The following IL1RAPL2 variants were observed in gnomAD, a reference collection of about 807,000 sequenced individuals.
IL1RAPL2 encodes X-linked interleukin-1 receptor accessory protein-like 2.
Under a neutral mutation model 44.1 loss-of-function variants are expected in IL1RAPL2, and 3 were observed. That is an observed-to-expected ratio of 0.07 (90% CI 0.03 to 0.18). The LOEUF (loss-of-function observed/expected upper bound fraction) is 0.18, where lower values mean the gene tolerates loss of function less well. Among genes scored for constraint, IL1RAPL2 ranks in the 10% least tolerant of loss-of-function variants. IL1RAPL2 has a pLI of 1.00. For missense variants in IL1RAPL2, 391 were observed against 496.4 expected (o/e 0.79, Z 2.02); for synonymous variants, 181 against 178.8 (o/e 1.01, Z -0.10).
chrX:104,737,822 G>A (rs1340037702), intron 2 of IL1RAPL2, among the ~76,000 whole-genome samples: 1 of 111,533 alleles, frequency 9.0e-6, no homozygotes, highest in African/African-American at 3.3e-5. Context: ...CCTCATTTTT[G>A]CTCTTCTACA....
rs186442414 is a variant in IL1RAPL2 at position 105,343,465 on chromosome X, T to C, written c.697+75924T>C. Among the ~76,000 whole-genome samples the C allele has an allele frequency of 1.9e-3, 209 of 112,144 alleles. 1 individual carries two copies. The highest frequency in any genetic ancestry group is 3.3e-3 in the Non-Finnish European group (178 of 53,206). On this transcript the variant is annotated intron_variant, in intron 5 of 10. Coordinates refer to ENST00000372582, the MANE Select transcript of IL1RAPL2 (RefSeq NM_017416.2). ...AATTTTGTATGGTGCTTTTTAAAACTTAATATTATATCATAAGCTTTTCCA... is the reference window on the plus strand; with the variant it reads ...AATTTTGTATGGTGCTTTTTAAAACCTAATATTATATCATAAGCTTTTCCA...
intron 2 of IL1RAPL2, among the ~76,000 whole-genome samples, chrX:105,176,788 C>T (rs2033478175): frequency 9.0e-6 from 1 of 110,678 alleles, no homozygotes; most frequent in Non-Finnish European, 1.9e-5. Flanking sequence ...GGCCATAGTT[C>T]ACCAGGTGGA....
chrX:104,763,843 C>A (rs769274320), intron 2 of IL1RAPL2, among the ~76,000 whole-genome samples: 2 of 111,347 alleles, frequency 1.8e-5, no homozygotes, highest in Non-Finnish European at 3.8e-5. Flanking sequence ...ATGAGAACTA[C>A]AATTCAAGAT....
chrX:105,551,229 C>T (rs1199984240), intron 6 of IL1RAPL2, among the ~76,000 whole-genome samples: 1 of 107,194 alleles, frequency 9.3e-6, no homozygotes, highest in Admixed American at 1.0e-4. Flanking sequence ...CTTGAACATA[C>T]TTACCATTAA....
chrX:105,078,441 C>T (rs1324688759), intron 2 of IL1RAPL2, among the ~76,000 whole-genome samples: 1 of 111,698 alleles, frequency 9.0e-6, no homozygotes. Flanking sequence ...CAGTCCGCCC[C>T]TACTTGGGGG....
chrX:105,087,751 TC>T (rs1658919550), intron 2 of IL1RAPL2, among the ~76,000 whole-genome samples: 1 of 112,256 alleles, frequency 8.9e-6, no homozygotes, highest in Non-Finnish European at 1.9e-5. Flanking sequence ...CCAGAGACTT[TC>T]TTGCCTTTCA....
At chrX:105,618,642 T>A (rs748426769) in intron 6 of IL1RAPL2, among the ~76,000 whole-genome samples, 4 of 111,628 alleles carry the variant, frequency 3.6e-5, no homozygotes, top group Admixed American at 9.5e-5. Context: ...AATTTCCTCA[T>A]GTGAAAAATC....
At chrX:104,917,293 A>T (rs72616881) in intron 2 of IL1RAPL2, among the ~76,000 whole-genome samples, 2 of 111,556 alleles carry the variant, frequency 1.8e-5, no homozygotes, top group Admixed American at 1.9e-4. Context: ...AAAGAAAAGA[A>T]TCTGAAAGGC....
At chrX:104,976,718 G>A (rs1159352044) in intron 2 of IL1RAPL2, among the ~76,000 whole-genome samples, 2 of 110,431 alleles carry the variant, frequency 1.8e-5, no homozygotes, top group Non-Finnish European at 3.8e-5. Context: ...CGAAACCTCA[G>A]AGTTTCCAGG....
At chrX:104,933,957 C>CT (rs1924967920) in intron 2 of IL1RAPL2, among the ~76,000 whole-genome samples, 1 of 111,252 alleles carries the variant, frequency 9.0e-6, no homozygotes, top group Non-Finnish European at 1.9e-5. Flanking sequence ...GGAAAATTTG[C>CT]AAATGGGCTA....
At chrX:105,228,699 A>G (rs1483601573) in intron 3 of IL1RAPL2, among the ~76,000 whole-genome samples, 2 of 112,351 alleles carry the variant, frequency 1.8e-5, no homozygotes, top group Admixed American at 1.9e-4. Flanking sequence ...TCTTCTTTCT[A>G]TCAGCTTCCT....
At chrX:104,911,480 G>A (rs7049460) in intron 2 of IL1RAPL2, among the ~76,000 whole-genome samples, 47,264 of 109,742 alleles carry the variant, frequency 0.43, 7,420 homozygotes, top group East Asian at 0.46. Context: ...TCTAGTGAGT[G>A]AGGTCCTGTT....
At position 105,363,306 on chromosome X, in the gene IL1RAPL2, ATAAT is replaced by A. The variant is rs1244337619; in HGVS notation, c.697+95766_697+95769del. 8.8e-3 allele frequency among the ~76,000 whole-genome samples: 663 copies of A among 75,504 alleles called. 11 individuals carry two copies. Among genetic ancestry groups the A allele is most frequent in the African/African-American group, 0.07 (614 of 8,804 alleles). 65.6% of individuals were successfully genotyped at this position (75,504 alleles called of 115,157 possible). A position where few individuals can be genotyped will look rare whatever the true frequency, so the allele number is the denominator to read the frequency against. On this transcript the variant is annotated intron_variant, in intron 5 of 10. Coordinates refer to ENST00000372582, the MANE Select transcript of IL1RAPL2 (RefSeq NM_017416.2). ...ATATATATAATATATATATATATAT[ATAAT>A]ATATATATATATATATATATTCTTC...
chrX:104,847,184 G>A (rs1407643121), intron 2 of IL1RAPL2, among the ~76,000 whole-genome samples: 1 of 111,854 alleles, frequency 8.9e-6, no homozygotes, highest in Non-Finnish European at 1.9e-5. Context: ...CTTTGCAGAA[G>A]CTCTTTAGTT....
At chrX:105,282,050 A>T (rs1354033395) in intron 5 of IL1RAPL2, among the ~76,000 whole-genome samples, 1 of 112,051 alleles carries the variant, frequency 8.9e-6, no homozygotes, top group Admixed American at 9.5e-5. Context: ...ATAGGTATTA[A>T]TATTTCAGGC....
chrX:104,960,728 G>A (rs1249931417), intron 2 of IL1RAPL2, among the ~76,000 whole-genome samples: 1 of 109,067 alleles, frequency 9.2e-6, no homozygotes, highest in East Asian at 2.9e-4. Flanking sequence ...CTCCCTCCAA[G>A]TATCTAATTA....
chrX:105,394,989 T>A (rs370124337), intron 5 of IL1RAPL2, among the ~76,000 whole-genome samples: 4 of 111,703 alleles, frequency 3.6e-5, no homozygotes, highest in South Asian at 7.4e-4. Flanking sequence ...GTGGCATATA[T>A]TTTAGTAACT....
chrX:105,385,034 G>A (rs1300350384), intron 5 of IL1RAPL2, among the ~76,000 whole-genome samples: 2 of 110,403 alleles, frequency 1.8e-5, no homozygotes, highest in African/African-American at 6.6e-5. Context: ...TTTAATATAA[G>A]GTCATATAAT....
At chrX:104,723,529 G>C (rs1049210368) in intron 2 of IL1RAPL2, among the ~76,000 whole-genome samples, 4 of 110,114 alleles carry the variant, frequency 3.6e-5, no homozygotes, top group Non-Finnish European at 3.8e-5. Flanking sequence ...AGGAGGTGAG[G>C]TCTCAGGTGT....
Sources: allele counts gnomAD v4.1 joint callset (sites outside exome capture counted in the v4.1 genomes callset), GRCh38; gene constraint gnomAD v4.1.1; transcripts MANE v1.5; gene names NCBI Gene and HGNC (gene_info 2026-07-23, HGNC 2026-07-21).